The following DAB1 variants were observed in gnomAD, a reference collection of about 807,000 sequenced individuals.
DAB1 encodes DAB adaptor protein 1, also known as disabled homolog 1.
A neutral mutation model predicts 64.6 loss-of-function variants in DAB1; 15 were observed. The observed-to-expected ratio is 0.23, with a 90% CI of 0.16 to 0.36. The LOEUF is 0.36. Among genes scored for constraint, DAB1 ranks in the 10% least tolerant of loss-of-function variants. The pLI is 1.00. For missense variants in DAB1, 596 were observed against 706.7 expected, an observed-to-expected ratio of 0.84 and a Z score of 1.78; for synonymous variants, 235 against 251.9, an observed-to-expected ratio of 0.93 and a Z score of 0.64.
At chr1:57,089,368 T>A (rs1004483324) in intron 4 of DAB1, among the ~76,000 whole-genome samples, 6 of 152,128 alleles carry the variant, frequency 3.9e-5, no homozygotes, top group African/African-American at 9.7e-5. Context: ...GACTGGGTAA[T>A]TTATAACAAA....
intron 6 of DAB1, among the ~76,000 whole-genome samples, chr1:57,798,258 C>T (rs1252866210): frequency 6.6e-6 from 1 of 152,162 alleles, no homozygotes; most frequent in Non-Finnish European, 1.5e-5. Context: ...AGACACAAAG[C>T]AGAGAGCTGC....
At chr1:57,956,175 A>G (rs1645389131) in intron 5 of DAB1, among the ~76,000 whole-genome samples, 1 of 152,204 alleles carries the variant, frequency 6.6e-6, no homozygotes, top group Non-Finnish European at 1.5e-5. Context: ...TATATCTGTC[A>G]GGGTCCCAGC....
chr1:57,538,513 C>A (rs1395725262), intron 7 of DAB1, among the ~76,000 whole-genome samples: 5 of 152,164 alleles, frequency 3.3e-5, no homozygotes, highest in Non-Finnish European at 7.3e-5. Flanking sequence ...CTATCCACAC[C>A]AACCCCTTTT....
chr1:57,598,132 G>A (rs368495797), intron 7 of DAB1, among the ~76,000 whole-genome samples: 7 of 152,098 alleles, frequency 4.6e-5, no homozygotes, highest in African/African-American at 1.2e-4. Context: ...ACAGGTGCCC[G>A]CCACCACGCC....
At chr1:58,461,740 G>C (rs1314241318) in intron 3 of DAB1, among the ~76,000 whole-genome samples, 3 of 152,178 alleles carry the variant, frequency 2.0e-5, no homozygotes, top group African/African-American at 4.8e-5. Flanking sequence ...CTCTGAGGCT[G>C]AATTATTCCC....
chr1:58,096,421 A>C (rs1416751449), intron 5 of DAB1, among the ~76,000 whole-genome samples: 1 of 152,230 alleles, frequency 6.6e-6, no homozygotes, highest in African/African-American at 2.4e-5. Context: ...GGTGAGATTC[A>C]ATGCATATGC....
At chr1:57,583,311 G>T (rs1645336858) in intron 7 of DAB1, among the ~76,000 whole-genome samples, 1 of 143,702 alleles carries the variant, frequency 7.0e-6, no homozygotes, top group African/African-American at 2.6e-5. Flanking sequence ...TTTTTTGATG[G>T]AATCTCGCCC....
intron 3 of DAB1, among the ~76,000 whole-genome samples, chr1:58,441,598 T>C (rs1645008780): frequency 6.6e-6 from 1 of 152,176 alleles, no homozygotes; most frequent in Admixed American, 6.5e-5. Context: ...CTGGCTCTGA[T>C]TTCCTCAGTT....
At chr1:57,428,695 G>A (rs926878651), upstream of DAB1, among the ~76,000 whole-genome samples, 6 of 151,940 alleles carry the variant, frequency 3.9e-5, no homozygotes, top group Admixed American at 6.6e-5. Flanking sequence ...GGGATTGCTG[G>A]AACATATGGT....
At chr1:57,572,892 C>A (rs1645209083) in intron 7 of DAB1, among the ~76,000 whole-genome samples, 1 of 152,006 alleles carries the variant, frequency 6.6e-6, no homozygotes, top group South Asian at 2.1e-4. Flanking sequence ...AAAGGTGCCA[C>A]ACACTTTTAA....
At chr1:57,654,718 C>T (rs998127243) in intron 6 of DAB1, among the ~76,000 whole-genome samples, 1 of 151,166 alleles carries the variant, frequency 6.6e-6, no homozygotes, top group Non-Finnish European at 1.5e-5. Context: ...CTAACTGTTT[C>T]ATTTATTTTC....
intron 6 of DAB1, among the ~76,000 whole-genome samples, chr1:57,820,373 C>T (rs957355953): frequency 2.0e-5 from 3 of 152,030 alleles, no homozygotes; most frequent in East Asian, 1.9e-4. Context: ...TTCCTTCTTT[C>T]GTAGTTGGGT....
chr1:57,691,263 A>T (rs112763216), intron 6 of DAB1, among the ~76,000 whole-genome samples: 1 of 152,102 alleles, frequency 6.6e-6, no homozygotes, highest in African/African-American at 2.4e-5. Context: ...GTGTCTAGCT[A>T]AAGGATTGTA....
chr1:57,802,188 A>T lies in DAB1; in HGVS notation n.551+81811T>A, dbSNP rs146805837. Among the ~76,000 whole-genome samples, 14 of 152,330 alleles carry T rather than the reference A, an allele frequency of 9.2e-5. No individual in the cohort carries two copies. In the East Asian group the frequency reaches 2.7e-3, roughly 29 times the overall value. On this transcript the variant is annotated intron_variant and non_coding_transcript_variant, in intron 6 of 20. Transcript: ENST00000485760. ...GAAAGACCCTCCAACTTTGAGAACA[A>T]CTTTCTCTGCTTCAATTCCAACAAT...
intron 4 of DAB1, among the ~76,000 whole-genome samples, chr1:58,336,693 TC>T (rs201368863): frequency 0.012 from 1,776 of 152,306 alleles, 20 homozygotes; most frequent in Non-Finnish European, 0.019. Flanking sequence ...GATGAAGTAT[TC>T]TTTTTTTTAT....
chr1:58,086,651 A>G lies in DAB1; in HGVS notation n.387+63860T>C, dbSNP rs1454075729. On this transcript the variant is annotated intron_variant and non_coding_transcript_variant, in intron 5 of 20. Coordinates refer to the DAB1 transcript ENST00000485760. Reference sequence around the variant, plus strand: ...GGCCATCATGCCCCATCTCTACCCTACTGCCTCAGCCATCCTATACTACCA... The same window carrying G: ...GGCCATCATGCCCCATCTCTACCCTGCTGCCTCAGCCATCCTATACTACCA... Among the ~76,000 whole-genome samples, 4 of 151,688 alleles carry G rather than the reference A, an allele frequency of 2.6e-5. No homozygotes were observed. In the South Asian group the frequency reaches 8.4e-4, roughly 32 times the overall value.
At chr1:57,821,959 A>G (rs1312305797), downstream of DAB1, among the ~76,000 whole-genome samples, 1 of 152,224 alleles carries the variant, frequency 6.6e-6, no homozygotes, top group Non-Finnish European at 1.5e-5. Flanking sequence ...ATTTATCCTC[A>G]AAACTACTTG....
At chr1:58,140,896 G>A (rs939892973) in intron 5 of DAB1, among the ~76,000 whole-genome samples, 1 of 152,176 alleles carries the variant, frequency 6.6e-6, no homozygotes, top group Non-Finnish European at 1.5e-5. Context: ...AGAGGATGAG[G>A]AAACTCAATC....
At chr1:57,365,539 A>G (rs959899843) in intron 1 of DAB1, among the ~76,000 whole-genome samples, 6 of 151,836 alleles carry the variant, frequency 4.0e-5, no homozygotes, top group African/African-American at 1.5e-4. Context: ...CTATATTCCA[A>G]CCAAATACAT....
Sources: gnomAD v4.1 joint callset for allele counts (sites outside exome capture counted in the v4.1 genomes callset) on GRCh38, gnomAD v4.1.1 for gene constraint, MANE v1.5 for transcripts, NCBI Gene and HGNC (gene_info 2026-07-23, HGNC 2026-07-21) for gene names.